BAIAP2L1: variants seen among roughly 807,000 people sequenced by gnomAD.
The protein encoded by BAIAP2L1 is BAR/IMD domain containing adaptor protein 2 like 1.
A neutral mutation model predicts 66.3 loss-of-function variants in BAIAP2L1; 35 were observed. The ratio of observed to expected loss-of-function variants is 0.53; its 90% CI spans 0.40 to 0.70. The LOEUF (loss-of-function observed/expected upper bound fraction) is 0.70. BAIAP2L1 is among the 30% of genes least tolerant of loss of function. The pLI is 0.00. For synonymous variants in BAIAP2L1, 269 were observed against 248.7 expected, an observed-to-expected ratio of 1.08 and a Z score of -0.77; for missense variants, 622 against 656.9, an observed-to-expected ratio of 0.95 and a Z score of 0.58.
chr7:98,307,230 C>T (rs1045613878), intron 10 of BAIAP2L1: 2 of 239,664 alleles, frequency 8.3e-6, no homozygotes, highest in Non-Finnish European at 7.3e-6. Flanking sequence ...CTCAGCCTCC[C>T]GAGTAGCTGG....
Position 98,299,438 on chromosome 7 carries a change from G to A in BAIAP2L1, c.1422+4758C>T, listed in dbSNP as rs191022272. On this transcript the variant is annotated intron_variant, in intron 12 of 13. Coordinates refer to ENST00000005260, the MANE Select transcript of BAIAP2L1 (RefSeq NM_018842.5). ...CTCCCAAAGTGCTGGGATTACAGGT[G>A]TGAGCCACCGTGCCCGGCAGGCTGC... Among the ~76,000 whole-genome samples, 420 of 152,294 alleles carry A rather than the reference G, an allele frequency of 2.8e-3. 2 individuals are homozygous for A. The highest frequency in any genetic ancestry group is 4.7e-3 in the Non-Finnish European group (319 of 68,028).
chr7:98,348,824 C>T (rs974878911), intron 3 of BAIAP2L1, among the ~76,000 whole-genome samples: 4 of 152,160 alleles, frequency 2.6e-5, no homozygotes, highest in Admixed American at 6.5e-5. Context: ...AACCCACTGC[C>T]GAAGGTGAAG....
chr7:98,347,600 C>T (rs985927335), intron 3 of BAIAP2L1, among the ~76,000 whole-genome samples: 10 of 151,978 alleles, frequency 6.6e-5, no homozygotes, highest in African/African-American at 2.2e-4. Context: ...ATGGTGAAAA[C>T]CCGCCTCTAC....
intron 12 of BAIAP2L1, among the ~76,000 whole-genome samples, chr7:98,298,340 C>T (rs1018441056): frequency 1.3e-5 from 2 of 152,066 alleles, no homozygotes; most frequent in African/African-American, 2.4e-5. Context: ...GGGCTGGGTG[C>T]GGTGGCTCAC....
intron 1 of BAIAP2L1, among the ~76,000 whole-genome samples, chr7:98,388,306 T>G (rs1411672797): frequency 6.6e-6 from 1 of 152,202 alleles, no homozygotes; most frequent in African/African-American, 2.4e-5. Flanking sequence ...AAGGATGCAC[T>G]GGTTAGCTGA....
At chr7:98,358,130 A>T (rs565066988) in intron 2 of BAIAP2L1, among the ~76,000 whole-genome samples, 12 of 152,214 alleles carry the variant, frequency 7.9e-5, no homozygotes, top group Non-Finnish European at 1.8e-4. Context: ...TTGCATCCAC[A>T]CATGAAATCA....
chr7:98,294,095 G>A lies in BAIAP2L1; in HGVS notation c.1439C>T (p.Thr480Ile). 1 of 1,614,154 alleles carries A rather than the reference G, an allele frequency of 6.2e-7. No homozygotes were observed. Among genetic ancestry groups the A allele is most frequent in the Non-Finnish European group, 8.5e-7 (1 of 1,179,958 alleles). ...ETAAPNDANG[T>I]AKPPFLSGEN... is the part of the protein sequence containing the mutation. ...CTACCTGAGAAAAGGCGGCTTTGCA[G>A]TCCCGTTGGCATCGTTCTGTGAGAA... The change falls in exon 13 of 14, where the codon ACT (threonine) becomes ATT (isoleucine). Residue 480 changes from threonine to isoleucine, a missense_variant. Coordinates refer to ENST00000005260, the MANE Select transcript of BAIAP2L1 (RefSeq NM_018842.5).
intron 3 of BAIAP2L1, among the ~76,000 whole-genome samples, chr7:98,340,277 A>G (rs1272524926): frequency 1.3e-5 from 2 of 152,054 alleles, no homozygotes; most frequent in Non-Finnish European, 2.9e-5. Flanking sequence ...CAGCTTCTAC[A>G]TAAGTAATAT....
At chr7:98,320,639 GCA>G (rs1321474916) in intron 3 of BAIAP2L1, among the ~76,000 whole-genome samples, 18 of 151,966 alleles carry the variant, frequency 1.2e-4, no homozygotes, top group Middle Eastern at 3.4e-3. Flanking sequence ...CAGGCCCATT[GCA>G]CAGTTTTGTA....
chr7:98,361,424 C>T lies in BAIAP2L1; in HGVS notation c.127+933G>A, dbSNP rs1407306408. On this transcript the variant is annotated intron_variant, in intron 2 of 13. Coordinates refer to ENST00000005260, the MANE Select transcript of BAIAP2L1 (RefSeq NM_018842.5). ...GATGTAAAACTTGATCTGAAGCTGCCTTCAAATCTGTCAGAAACTACATTT... is the reference window on the plus strand; with the variant it reads ...GATGTAAAACTTGATCTGAAGCTGCTTTCAAATCTGTCAGAAACTACATTT... Among the ~76,000 whole-genome samples the T allele has an allele frequency of 2.6e-5, 4 of 151,938 alleles. No homozygotes were observed. In the South Asian group the frequency reaches 8.3e-4, roughly 32 times the overall value.
At chr7:98,350,363 C>A (rs957201192) in intron 3 of BAIAP2L1, among the ~76,000 whole-genome samples, 7 of 149,610 alleles carry the variant, frequency 4.7e-5, no homozygotes, top group Middle Eastern at 6.9e-3. Context: ...AAAAAAAAAA[C>A]AAAACAGCAG....
intron 1 of BAIAP2L1, among the ~76,000 whole-genome samples, chr7:98,376,335 T>G (rs1802628366): frequency 6.6e-6 from 1 of 150,824 alleles, no homozygotes; most frequent in Admixed American, 6.6e-5. Context: ...AGACCCCGTC[T>G]CTACCAAAAA....
At chr7:98,348,569 C>T (rs896499793) in intron 3 of BAIAP2L1, among the ~76,000 whole-genome samples, 2 of 109,848 alleles carry the variant, frequency 1.8e-5, no homozygotes, top group East Asian at 3.0e-4. Context: ...TCTGCCTCCA[C>T]AAAAAAAAAA....
chr7:98,352,233 T>G (rs1210422112), intron 3 of BAIAP2L1, among the ~76,000 whole-genome samples: 1 of 152,106 alleles, frequency 6.6e-6, no homozygotes, highest in South Asian at 2.1e-4. Flanking sequence ...ACCATGGAAT[T>G]GTTCGAAACG....
At chr7:98,358,232 A>T (rs1407490739) in intron 2 of BAIAP2L1, among the ~76,000 whole-genome samples, 2 of 152,218 alleles carry the variant, frequency 1.3e-5, no homozygotes, top group African/African-American at 4.8e-5. Flanking sequence ...AGTTAAATTA[A>T]CTTGAAAATT....
intron 3 of BAIAP2L1, among the ~76,000 whole-genome samples, chr7:98,351,525 C>T (rs2115677910): frequency 6.6e-6 from 1 of 152,158 alleles, no homozygotes; most frequent in African/African-American, 2.4e-5. Context: ...CAAAGGTTGT[C>T]AGCACACCTG....
In BAIAP2L1 at chr7:98,370,338, C is replaced by T. The variant is rs192096547; in HGVS notation, c.52-7906G>A. ...GCAGTGAGCTGAGATTGCGCCACTG[C>T]ACTCCAGCCTGGCAACAGAGTAAGG... On this transcript the variant is annotated intron_variant, in intron 1 of 13. Transcript: ENST00000005260. Among the ~76,000 whole-genome samples the T allele has an allele frequency of 4.7e-3, 619 of 132,330 alleles. 5 individuals are homozygous for T. The highest frequency in any genetic ancestry group is 0.017 in the African/African-American group (591 of 35,644). 86.8% of individuals were successfully genotyped at this position (132,330 alleles called of 152,430 possible). A position where few individuals can be genotyped will look rare whatever the true frequency, so the allele number is the denominator to read the frequency against.
chr7:98,368,070 C>T (rs1011062264), intron 1 of BAIAP2L1, among the ~76,000 whole-genome samples: 1 of 152,188 alleles, frequency 6.6e-6, no homozygotes, highest in Admixed American at 6.6e-5. Flanking sequence ...CCAATCCTCA[C>T]CTCTGGCAAT....
chr7:98,333,181 A>G (rs1283741690), intron 3 of BAIAP2L1, among the ~76,000 whole-genome samples: 4 of 152,144 alleles, frequency 2.6e-5, no homozygotes, highest in Admixed American at 2.6e-4. Flanking sequence ...CTACCTGGAT[A>G]TTAGACTTGT....
Sources: gnomAD v4.1 joint callset for allele counts (sites outside exome capture counted in the v4.1 genomes callset) on GRCh38, gnomAD v4.1.1 for gene constraint, MANE v1.5 for transcripts, NCBI Gene and HGNC (gene_info 2026-07-23, HGNC 2026-07-21) for gene names.